SCN11A: variants seen among roughly 807,000 people sequenced by gnomAD.
SCN11A encodes the protein sodium voltage-gated channel alpha subunit 11.
SCN11A carries 122 observed loss-of-function variants against 162.2 expected under a neutral mutation model. That is an observed-to-expected ratio of 0.75 (90% CI 0.65 to 0.87). SCN11A has a LOEUF of 0.87. Ranked by LOEUF, SCN11A falls within the 40% of genes least tolerant of loss-of-function variation. SCN11A has a pLI of 0.00. For missense variants in SCN11A, 2,015 were observed against 2,181.6 expected, an observed-to-expected ratio of 0.92 and a Z score of 1.52; for synonymous variants, 758 against 751.5, an observed-to-expected ratio of 1.01 and a Z score of -0.14.
chr3:39,044,034 A>G (rs1374518848), intron 1 of SCN11A, among the ~76,000 whole-genome samples: 2 of 152,270 alleles, frequency 1.3e-5, no homozygotes, highest in East Asian at 3.9e-4. Flanking sequence ...CCAAATGTAA[A>G]CGCAAACAGA....
intron 23 of SCN11A, among the ~76,000 whole-genome samples, chr3:38,872,954 A>G (rs1013452977): frequency 6.6e-6 from 1 of 152,206 alleles, no homozygotes; most frequent in Non-Finnish European, 1.5e-5. Flanking sequence ...GTTACATGGA[A>G]AAAATAAATT....
intron 15 of SCN11A, 119 bp downstream of exon 15, chr3:38,905,073 A>G: frequency 8.0e-7 from 1 of 1,248,316 alleles, no homozygotes; most frequent in East Asian, 2.3e-5. Context: ...GCAGGATGGT[A>G]CAGTGGGTTG....
intron 18 of SCN11A, among the ~76,000 whole-genome samples, chr3:38,896,622 A>G (rs1248794431): frequency 6.6e-6 from 1 of 152,204 alleles, no homozygotes; most frequent in Non-Finnish European, 1.5e-5. Flanking sequence ...CTGGAATAAA[A>G]TAAATTTGGG....
chr3:38,943,385 A>G (rs1203379118), intron 7 of SCN11A, among the ~76,000 whole-genome samples: 2 of 152,202 alleles, frequency 1.3e-5, no homozygotes, highest in East Asian at 1.9e-4. Context: ...AATGGTCTAT[A>G]TATCGATTGC....
At chr3:38,913,833 T>C (rs1414290173) in intron 11 of SCN11A, among the ~76,000 whole-genome samples, 1 of 152,180 alleles carries the variant, frequency 6.6e-6, no homozygotes, top group Non-Finnish European at 1.5e-5. Context: ...GGGCTCTCTA[T>C]TCTGTACATT....
At chr3:38,939,865 T>G (rs2066413600) in intron 7 of SCN11A, among the ~76,000 whole-genome samples, 1 of 150,722 alleles carries the variant, frequency 6.6e-6, no homozygotes, top group South Asian at 2.1e-4. Flanking sequence ...ATCGCGCCAT[T>G]GCACTCCAGC....
chr3:38,922,202 G>A (rs2066064706), intron 9 of SCN11A, among the ~76,000 whole-genome samples: 1 of 152,236 alleles, frequency 6.6e-6, no homozygotes, highest in Non-Finnish European at 1.5e-5. Context: ...AGAGCACATG[G>A]CAGCATACAG....
intron 2 of SCN11A, among the ~76,000 whole-genome samples, chr3:38,991,028 T>G (rs1007580324): frequency 6.6e-6 from 1 of 152,060 alleles, no homozygotes; most frequent in Non-Finnish European, 1.5e-5. Context: ...TAATCATGTA[T>G]ATGGTTTTTT....
At chr3:38,863,963 A>C (rs2065004248) in intron 27 of SCN11A, among the ~76,000 whole-genome samples, 1 of 152,118 alleles carries the variant, frequency 6.6e-6, no homozygotes, top group South Asian at 2.1e-4. Context: ...TAGACTAGTA[A>C]ATTAGCCCAA....
At chr3:39,009,307 T>C (rs1447027115) in intron 2 of SCN11A, among the ~76,000 whole-genome samples, 1 of 152,032 alleles carries the variant, frequency 6.6e-6, no homozygotes, top group Non-Finnish European at 1.5e-5. Context: ...TAAGTTTTAA[T>C]TTCAAATATG....
intron 2 of SCN11A, among the ~76,000 whole-genome samples, chr3:38,968,357 G>A (rs1217064750): frequency 6.6e-6 from 1 of 152,256 alleles, no homozygotes; most frequent in African/African-American, 2.4e-5. Context: ...AGGCCAGAGA[G>A]ATGGAGGTCA....
intron 2 of SCN11A, among the ~76,000 whole-genome samples, chr3:38,994,717 T>A (rs1374488648): frequency 6.6e-6 from 1 of 152,064 alleles, no homozygotes; most frequent in Non-Finnish European, 1.5e-5. Flanking sequence ...GGGGAGTGTT[T>A]CTATGGACGA....
intron 2 of SCN11A, among the ~76,000 whole-genome samples, chr3:38,995,206 C>G (rs1258828907): frequency 2.0e-5 from 3 of 151,678 alleles, no homozygotes; most frequent in Non-Finnish European, 4.4e-5. Flanking sequence ...TCTCGGCTCA[C>G]TCCTCCCGGG....
At chr3:38,887,903 TA>T (rs1004764884) in intron 19 of SCN11A, among the ~76,000 whole-genome samples, 1 of 152,182 alleles carries the variant, frequency 6.6e-6, no homozygotes, top group Non-Finnish European at 1.5e-5. Context: ...ATAGCATATG[TA>T]AAAATACACA....
chr3:38,951,021 G>A (rs1325601864), intron 4 of SCN11A, among the ~76,000 whole-genome samples: 1 of 152,224 alleles, frequency 6.6e-6, no homozygotes, highest in Non-Finnish European at 1.5e-5. Context: ...CGCTCTAGGC[G>A]CCTCCTCTGC....
At chr3:39,049,437 T>C (rs1162692934) in intron 1 of SCN11A, among the ~76,000 whole-genome samples, 3 of 152,228 alleles carry the variant, frequency 2.0e-5, no homozygotes, top group Non-Finnish European at 2.9e-5. Context: ...TCAGCGGAAG[T>C]ACAGTGAGCA....
At chr3:38,878,578 C>T (rs2065258666) in intron 23 of SCN11A, among the ~76,000 whole-genome samples, 1 of 151,976 alleles carries the variant, frequency 6.6e-6, no homozygotes, top group Admixed American at 6.6e-5. Flanking sequence ...GTTATTTGCT[C>T]TCTAGAAATT....
At chr3:38,930,156 G>GC (rs1456179801) in intron 7 of SCN11A, among the ~76,000 whole-genome samples, 2 of 152,098 alleles carry the variant, frequency 1.3e-5, no homozygotes, top group Admixed American at 1.3e-4. Context: ...CAGTTAAACA[G>GC]CTTATCAGTT....
At chr3:39,045,728 T>C (rs1327562116) in intron 1 of SCN11A, among the ~76,000 whole-genome samples, 1 of 152,134 alleles carries the variant, frequency 6.6e-6, no homozygotes, top group Non-Finnish European at 1.5e-5. Flanking sequence ...CTCTAAAAAC[T>C]GGAACAAGAC....
Sources: gnomAD v4.1 joint callset for allele counts (sites outside exome capture counted in the v4.1 genomes callset) on GRCh38, gnomAD v4.1.1 for gene constraint, MANE v1.5 for transcripts, NCBI Gene and HGNC (gene_info 2026-07-23, HGNC 2026-07-21) for gene names.